The following ENTREP2 variants were observed in gnomAD, a reference collection of about 807,000 sequenced individuals.
ENTREP2 encodes endosomal transmembrane epsin interactor 2.
chr15:29,328,162 T>A, the ENTREP2 span, among the ~76,000 whole-genome samples: 1 of 152,228 alleles, frequency 6.6e-6, no homozygotes, highest in Non-Finnish European at 1.5e-5. Context: ...CATATTGCTA[T>A]GTGAAATAAG....
At chr15:29,373,643 A>ATTT in the ENTREP2 span, 6 of 151,252 alleles carry the variant, frequency 4.0e-5, no homozygotes, top group African/African-American at 1.5e-4. Flanking sequence ...TTTTATTTTT[A>ATTT]TTGTCTCCTA....
the ENTREP2 span, among the ~76,000 whole-genome samples, chr15:29,370,652 T>C: frequency 2.6e-5 from 4 of 152,192 alleles, no homozygotes; most frequent in Non-Finnish European, 4.4e-5. Flanking sequence ...TCTAAAACTA[T>C]AGATACCCCG....
the ENTREP2 span, chr15:29,234,172 T>G: frequency 6.3e-7 from 1 of 1,598,604 alleles, no homozygotes; most frequent in African/African-American, 1.3e-5. Context: ...CAGGCCTTGA[T>G]CTGGGTCCAG....
the ENTREP2 span, among the ~76,000 whole-genome samples, chr15:29,555,818 C>G: frequency 6.6e-6 from 1 of 152,336 alleles, no homozygotes; most frequent in East Asian, 1.9e-4. Context: ...TCCCCCATGA[C>G]CTGGGGGTCA....
At chr15:29,636,442 G>A in the ENTREP2 span, among the ~76,000 whole-genome samples, 31 of 152,336 alleles carry the variant, frequency 2.0e-4, no homozygotes, top group African/African-American at 4.1e-4. Flanking sequence ...ATCAGAGGCC[G>A]CCCTGCAGCT....
chr15:29,542,643 G>A, the ENTREP2 span, among the ~76,000 whole-genome samples: 3 of 152,110 alleles, frequency 2.0e-5, no homozygotes, highest in Admixed American at 6.6e-5. Flanking sequence ...ACGGCACAAC[G>A]TACATTCACA....
chr15:29,297,592 G>A, the ENTREP2 span, among the ~76,000 whole-genome samples: 1 of 152,138 alleles, frequency 6.6e-6, no homozygotes, highest in South Asian at 2.1e-4. Flanking sequence ...ATTAAAAGTT[G>A]CTAAAATCAC....
chr15:29,532,011 C>T, the ENTREP2 span, among the ~76,000 whole-genome samples: 1 of 152,150 alleles, frequency 6.6e-6, no homozygotes, highest in Middle Eastern at 3.2e-3. Context: ...ACTTTGCATC[C>T]TTATTTTTTG....
the ENTREP2 span, chr15:29,117,760 A>ATTTT: frequency 6.5e-6 from 1 of 152,784 alleles, no homozygotes; most frequent in Admixed American, 6.5e-5. Context: ...TTGGACTTTT[A>ATTTT]TTTTGGCAGG....
chr15:29,617,536 G>A, the ENTREP2 span, among the ~76,000 whole-genome samples: 3 of 152,190 alleles, frequency 2.0e-5, no homozygotes, highest in Admixed American at 1.3e-4. Context: ...TGTGACATTA[G>A]CTGCTGCAAC....
At chr15:29,464,309 T>C in the ENTREP2 span, among the ~76,000 whole-genome samples, 1 of 152,082 alleles carries the variant, frequency 6.6e-6, no homozygotes, top group Admixed American at 6.5e-5. Context: ...TGGAAGTGGG[T>C]GTCCCTGCAA....
chr15:29,417,950 C>T, the ENTREP2 span, among the ~76,000 whole-genome samples: 13 of 152,140 alleles, frequency 8.5e-5, no homozygotes, highest in Admixed American at 5.9e-4. Flanking sequence ...ATGTTTTGCT[C>T]AGCAAAATAT....
chr15:29,183,019 C>T, the ENTREP2 span, among the ~76,000 whole-genome samples: 4,731 of 152,122 alleles, frequency 0.031, 109 homozygotes, highest in Non-Finnish European at 0.046. Context: ...TTAAAACTTC[C>T]ATGAAAATAC....
the ENTREP2 span, chr15:29,137,006 G>C: frequency 2.1e-6 from 3 of 1,407,140 alleles, no homozygotes; most frequent in African/African-American, 3.0e-5. Flanking sequence ...TAGTGGTTTC[G>C]AGATGGGGGC....
At chr15:29,320,679 C>T in the ENTREP2 span, among the ~76,000 whole-genome samples, 3 of 152,034 alleles carry the variant, frequency 2.0e-5, no homozygotes, top group Non-Finnish European at 4.4e-5. Flanking sequence ...AGAGATGGAA[C>T]GTCTGAGAAA....
chr15:29,276,090 C>G, the ENTREP2 span, among the ~76,000 whole-genome samples: 1 of 152,178 alleles, frequency 6.6e-6, no homozygotes, highest in African/African-American at 2.4e-5. Flanking sequence ...GGTAGACTAC[C>G]TAATAACACT....
the ENTREP2 span, among the ~76,000 whole-genome samples, chr15:29,527,657 AC>A: frequency 6.6e-6 from 1 of 152,084 alleles, no homozygotes; most frequent in African/African-American, 2.4e-5. Context: ...TCCACTGCAG[AC>A]CCTGTAATCT....
the ENTREP2 span, among the ~76,000 whole-genome samples, chr15:29,417,968 G>A: frequency 6.6e-6 from 1 of 152,134 alleles, no homozygotes; most frequent in African/African-American, 2.4e-5. Context: ...TATCAGAATG[G>A]AATAATATGC....
chr15:29,524,184 G>A, the ENTREP2 span, among the ~76,000 whole-genome samples: 1 of 152,040 alleles, frequency 6.6e-6, no homozygotes, highest in Non-Finnish European at 1.5e-5. Flanking sequence ...ATAATAAAAA[G>A]ACAACTCAAT....
Sources: gnomAD v4.1 joint callset for allele counts (sites outside exome capture counted in the v4.1 genomes callset) on GRCh38, gnomAD v4.1.1 for gene constraint, MANE v1.5 for transcripts, NCBI Gene and HGNC (gene_info 2026-07-23, HGNC 2026-07-21) for gene names.